Variants in CSMD3 observed in about 807,000 individuals in gnomAD.
CSMD3 encodes CUB and sushi domain-containing protein 3.
CSMD3 carries 177 observed loss-of-function variants against 435.2 expected under a neutral mutation model. That is an observed-to-expected ratio of 0.41 (90% CI 0.36 to 0.46). CSMD3 has a LOEUF of 0.46. Among genes scored for constraint, CSMD3 ranks in the 20% least tolerant of loss-of-function variants. The probability of loss-of-function intolerance (pLI) is 0.34; values close to 1 mark genes in which losing one functional copy is unlikely to be tolerated. For missense variants in CSMD3, 4,265 were observed against 4,504.6 expected (o/e 0.95, Z 1.52); for synonymous variants, 1,656 against 1,520.5 (o/e 1.09, Z -2.07).
intron 5 of CSMD3, among the ~76,000 whole-genome samples, chr8:113,074,526 A>AT (rs2089262554): frequency 6.6e-6 from 1 of 151,762 alleles, no homozygotes. Context: ...TAGAATGTAA[A>AT]TTTTTTGCAT....
intron 1 of CSMD3, among the ~76,000 whole-genome samples, chr8:113,395,464 C>T (rs1563779047): frequency 6.6e-6 from 1 of 151,880 alleles, no homozygotes. Flanking sequence ...AAAAAATTAG[C>T]GGGGCGTGGT....
chr8:112,562,992 T>C (rs978448300), intron 24 of CSMD3, among the ~76,000 whole-genome samples: 4 of 151,844 alleles, frequency 2.6e-5, no homozygotes, highest in Non-Finnish European at 4.4e-5. Context: ...ATATCTTCAT[T>C]GACCATTAAA....
chr8:113,019,577 T>C (rs1229399546), intron 5 of CSMD3, among the ~76,000 whole-genome samples: 1 of 149,156 alleles, frequency 6.7e-6, no homozygotes, highest in Non-Finnish European at 1.5e-5. Flanking sequence ...ATATATTGTA[T>C]TCTTATTGTT....
intron 27 of CSMD3, among the ~76,000 whole-genome samples, chr8:112,532,085 G>T (rs1825596220): frequency 6.7e-6 from 1 of 149,370 alleles, no homozygotes; most frequent in African/African-American, 2.5e-5. Flanking sequence ...ATGAACTGAT[G>T]AATGCAAAAA....
intron 13 of CSMD3, among the ~76,000 whole-genome samples, chr8:112,752,939 GTA>G: frequency 7.1e-6 from 1 of 140,828 alleles, no homozygotes; most frequent in South Asian, 2.3e-4. Flanking sequence ...GTGTGTGTGT[GTA>G]CAGAGATAGG....
rs537753007 is a variant in CSMD3 at position 112,723,142 on chromosome 8, A to C, written c.1973-33092T>G. Among the ~76,000 whole-genome samples the C allele has an allele frequency of 5.9e-5, 9 of 152,302 alleles. No homozygotes were observed. The South Asian group carries it at 1.9e-3, about 32-fold the overall frequency. On this transcript the variant is annotated intron_variant, in intron 13 of 70. Coordinates refer to ENST00000297405, the MANE Select transcript of CSMD3 (RefSeq NM_198123.2). ...AAATGTAATAATCATTAACCTAAGT[A>C]TGCAAAATCATTTGCATAGCTTGGA...
At chr8:113,241,102 C>T (rs958225793) in intron 3 of CSMD3, among the ~76,000 whole-genome samples, 3 of 152,010 alleles carry the variant, frequency 2.0e-5, no homozygotes, top group African/African-American at 7.2e-5. Flanking sequence ...TATTCAAGTA[C>T]TTTGTATTGC....
At chr8:112,783,825 A>T (rs546208058) in intron 13 of CSMD3, among the ~76,000 whole-genome samples, 1 of 150,870 alleles carries the variant, frequency 6.6e-6, no homozygotes, top group Non-Finnish European at 1.5e-5. Flanking sequence ...TTTCAAGACA[A>T]AAAAAAAACA....
intron 1 of CSMD3, among the ~76,000 whole-genome samples, chr8:113,391,626 C>T (rs907994089): frequency 6.6e-6 from 1 of 151,710 alleles, no homozygotes; most frequent in African/African-American, 2.4e-5. Context: ...GCGTAATGGT[C>T]CTGGAATTAT....
intron 35 of CSMD3, among the ~76,000 whole-genome samples, chr8:112,392,855 C>A (rs905464952): frequency 8.1e-6 from 1 of 123,148 alleles, no homozygotes; most frequent in Non-Finnish European, 1.6e-5. Flanking sequence ...CAGATAGTTT[C>A]TTTTTTTTCT....
intron 22 of CSMD3, among the ~76,000 whole-genome samples, chr8:112,600,681 TTTC>T (rs1832261143): frequency 6.6e-6 from 1 of 152,048 alleles, no homozygotes; most frequent in Non-Finnish European, 1.5e-5. Flanking sequence ...ATGATTTTTT[TTTC>T]TTTTCTTTTC....
intron 10 of CSMD3, among the ~76,000 whole-genome samples, chr8:112,912,471 C>T (rs899804419): frequency 6.6e-6 from 1 of 151,450 alleles, no homozygotes; most frequent in East Asian, 1.9e-4. Context: ...TGAGGTGATA[C>T]CGTTTCAATT....
Position 113,313,707 on chromosome 8 carries a change from T to C in CSMD3, c.401+864A>G, listed in dbSNP as rs1346607939. 10 of 152,322 alleles carry C rather than the reference T, an allele frequency of 6.6e-5. No individual in the cohort carries two copies. In the East Asian group the frequency reaches 9.6e-4, roughly 15 times the overall value. The allele number at this position is 152,322 out of a possible 1,614,324, so 9.4% of individuals were successfully genotyped here. On this transcript the variant is annotated intron_variant, in intron 2 of 70. Coordinates refer to ENST00000297405, the MANE Select transcript of CSMD3 (RefSeq NM_198123.2). ...CATAACTCAAACATAGCCAAGTATG[T>C]AAAGAGTCTTTAATTCCTACATGTT... is the stretch of plus-strand genomic sequence containing the variant.
At chr8:112,384,012 T>C (rs1365362555) in intron 36 of CSMD3, among the ~76,000 whole-genome samples, 2 of 152,234 alleles carry the variant, frequency 1.3e-5, no homozygotes, top group African/African-American at 4.8e-5. Context: ...TGAATTTTTA[T>C]GTATATGTAC....
chr8:112,299,252 G>T (rs945880018), intron 53 of CSMD3, among the ~76,000 whole-genome samples: 2 of 151,962 alleles, frequency 1.3e-5, no homozygotes, highest in African/African-American at 4.8e-5. Context: ...TGAGGTAATG[G>T]CAATATTCTA....
At chr8:112,413,546 C>T (rs1811581162) in intron 32 of CSMD3, among the ~76,000 whole-genome samples, 1 of 152,084 alleles carries the variant, frequency 6.6e-6, no homozygotes, top group African/African-American at 2.4e-5. Flanking sequence ...TGAGCATTAG[C>T]ATAGATAACT....
chr8:113,129,927 A>G (rs1208488216), intron 4 of CSMD3, among the ~76,000 whole-genome samples: 1 of 151,934 alleles, frequency 6.6e-6, no homozygotes, highest in Non-Finnish European at 1.5e-5. Context: ...TTTTTATTTT[A>G]CTTATATATG....
intron 38 of CSMD3, among the ~76,000 whole-genome samples, chr8:112,361,572 CATATATATATATATATATATAT>C (rs4030099): frequency 0.012 from 1,236 of 107,192 alleles, 53 homozygotes; most frequent in African/African-American, 0.035. Context: ...TATACACATA[CATATATATATATATATATATAT>C]ATATATATAT....
chr8:112,661,915 C>A (rs1322589550), intron 17 of CSMD3, among the ~76,000 whole-genome samples: 1 of 151,936 alleles, frequency 6.6e-6, no homozygotes, highest in African/African-American at 2.4e-5. Context: ...AATCACTCTG[C>A]ATAATAAAGT....
Sources: gnomAD v4.1 joint callset for allele counts (sites outside exome capture counted in the v4.1 genomes callset) on GRCh38, gnomAD v4.1.1 for gene constraint, MANE v1.5 for transcripts, NCBI Gene and HGNC (gene_info 2026-07-23, HGNC 2026-07-21) for gene names.